Variants in UBE2U observed in about 807,000 individuals in gnomAD.
UBE2U encodes ubiquitin-conjugating enzyme E2 U.
UBE2U carries 39 observed loss-of-function variants against 41.2 expected under a neutral mutation model. That is an observed-to-expected ratio of 0.95 (90% CI 0.73 to 1.24). The LOEUF (loss-of-function observed/expected upper bound fraction) is 1.24, where lower values mean the gene tolerates loss of function less well. Ranked by LOEUF, UBE2U falls within the 50% of genes most tolerant of loss-of-function variation. The pLI, the probability that UBE2U is intolerant of heterozygous loss-of-function variation, is 0.00. For missense variants in UBE2U, 336 were observed against 363.1 expected (o/e 0.93, Z 0.61); for synonymous variants, 107 against 117.8 (o/e 0.91, Z 0.60).
At chr1:64,239,080 G>GAAGAAGAA (rs1491414275) in intron 7 of UBE2U, among the ~76,000 whole-genome samples, 1 of 54,828 alleles carries the variant, frequency 1.8e-5, no homozygotes, top group Non-Finnish European at 3.6e-5. Context: ...AAGAGGAAGA[G>GAAGAAGAA]GAAGAGGAAG....
intron 8 of UBE2U, among the ~76,000 whole-genome samples, chr1:64,247,435 A>G (rs957758454): frequency 2.0e-5 from 3 of 152,126 alleles, no homozygotes; most frequent in Admixed American, 2.0e-4. Flanking sequence ...CAGTGTTGGA[A>G]AATAGGAGGT....
chr1:64,244,247 A>T, intron 8 of UBE2U: 1 of 1,426,966 alleles, frequency 7.0e-7, no homozygotes, highest in Non-Finnish European at 9.3e-7. Context: ...AAATGGAGAT[A>T]ACCTTACCTA....
intron 1 of UBE2U, 84 bp downstream of exon 1, chr1:64,204,200 G>A: frequency 7.6e-7 from 1 of 1,323,040 alleles, no homozygotes; most frequent in Non-Finnish European, 1.1e-6. Flanking sequence ...TCTATAAGTA[G>A]TAATTTAGTT....
In UBE2U at chr1:64,240,450, A is replaced by G. The variant is rs115189788; in HGVS notation, c.596-1202A>G. Among the ~76,000 whole-genome samples the G allele has an allele frequency of 5.5e-3, 835 of 152,298 alleles. 4 individuals are homozygous for G. The highest frequency in any genetic ancestry group is 0.019 in the African/African-American group (804 of 41,556). ...AGAACTAAGACCAGTGGAAACTCAC[A>G]GCAGTCAGATTAAGGAAGGACATTG... On this transcript the variant is annotated intron_variant, in intron 7 of 9. Transcript: ENST00000371077.
intron 8 of UBE2U, among the ~76,000 whole-genome samples, chr1:64,243,352 T>TA (rs1432486129): frequency 6.6e-6 from 1 of 152,176 alleles, no homozygotes; most frequent in Non-Finnish European, 1.5e-5. Context: ...TAGTAAAATC[T>TA]AAAAAATCTA....
chr1:64,222,101 A>AAC (rs1257613774), intron 6 of UBE2U, among the ~76,000 whole-genome samples: 1 of 151,490 alleles, frequency 6.6e-6, no homozygotes, highest in Non-Finnish European at 1.5e-5. Context: ...CAAAAAAAAA[A>AAC]AAAAAAAACA....
intron 6 of UBE2U, among the ~76,000 whole-genome samples, chr1:64,221,659 T>C (rs1434764572): frequency 6.6e-6 from 1 of 152,228 alleles, no homozygotes; most frequent in Non-Finnish European, 1.5e-5. Flanking sequence ...CGGCATTTAA[T>C]TTCTTGAGCA....
intron 6 of UBE2U, among the ~76,000 whole-genome samples, chr1:64,229,047 G>C (rs999144383): frequency 6.6e-6 from 1 of 151,912 alleles, no homozygotes; most frequent in East Asian, 1.9e-4. Context: ...TTTTAGTAGA[G>C]ACAGGGTTTC....
At chr1:64,251,681 T>A (rs942687138) in intron 8 of UBE2U, among the ~76,000 whole-genome samples, 5 of 152,128 alleles carry the variant, frequency 3.3e-5, no homozygotes, top group African/African-American at 9.7e-5. Flanking sequence ...CAGGAAACCA[T>A]GCTTCTCCCA....
intron 7 of UBE2U, among the ~76,000 whole-genome samples, chr1:64,234,540 A>G (rs1309457803): frequency 2.0e-5 from 3 of 152,232 alleles, no homozygotes; most frequent in Non-Finnish European, 4.4e-5. Context: ...ACTAAGCTTA[A>G]TAAATATCCT....
At chr1:64,209,258 A>G (rs1170940109) in intron 3 of UBE2U, among the ~76,000 whole-genome samples, 2 of 152,178 alleles carry the variant, frequency 1.3e-5, no homozygotes, top group East Asian at 1.9e-4. Flanking sequence ...TCCCACTTCC[A>G]TAAAGTAGAG....
intron 8 of UBE2U, among the ~76,000 whole-genome samples, chr1:64,244,743 T>C (rs1045009372): frequency 6.6e-6 from 1 of 152,166 alleles, no homozygotes; most frequent in African/African-American, 2.4e-5. Flanking sequence ...CCCATGTCTT[T>C]CAGCATGTGT....
At chr1:64,253,083 G>A (rs1193216763) in intron 8 of UBE2U, among the ~76,000 whole-genome samples, 1 of 150,766 alleles carries the variant, frequency 6.6e-6, no homozygotes, top group Non-Finnish European at 1.5e-5. Flanking sequence ...ACCTGATGGA[G>A]CTGAAAAACA....
intron 5 of UBE2U, 97 bp downstream of exon 5, chr1:64,215,029 T>C (rs1651903974): frequency 2.3e-6 from 2 of 865,286 alleles, no homozygotes; most frequent in Admixed American, 3.9e-5. Context: ...GGTCCGGAGT[T>C]CGAGACCAGC....
At chr1:64,245,570 G>A (rs966630912) in intron 8 of UBE2U, among the ~76,000 whole-genome samples, 2 of 152,132 alleles carry the variant, frequency 1.3e-5, no homozygotes, top group Non-Finnish European at 2.9e-5. Context: ...AGAGGGAACC[G>A]GAACTAACAT....
intron 1 of UBE2U, among the ~76,000 whole-genome samples, chr1:64,204,808 T>C (rs1651189428): frequency 1.3e-5 from 2 of 152,214 alleles, no homozygotes; most frequent in African/African-American, 4.8e-5. Context: ...CCACAGTTGC[T>C]TCAGGTGTAG....
At chr1:64,208,613 A>C (rs1651460981) in intron 3 of UBE2U, among the ~76,000 whole-genome samples, 1 of 10,720 alleles carries the variant, frequency 9.3e-5, no homozygotes, top group African/African-American at 2.1e-4. Flanking sequence ...CAAAAAAAAA[A>C]AAAAAAAAAA....
intron 8 of UBE2U, among the ~76,000 whole-genome samples, chr1:64,243,439 A>G (rs1294918008): frequency 6.6e-6 from 1 of 152,220 alleles, no homozygotes; most frequent in Non-Finnish European, 1.5e-5. Context: ...GGGTATGATA[A>G]AGAGGACAAT....
intron 5 of UBE2U, among the ~76,000 whole-genome samples, chr1:64,216,143 T>C (rs947085811): frequency 1.3e-5 from 2 of 152,208 alleles, no homozygotes; most frequent in Non-Finnish European, 2.9e-5. Context: ...CACAGGGTTT[T>C]TGGGTCTGAT....
Sources: allele counts gnomAD v4.1 joint callset (sites outside exome capture counted in the v4.1 genomes callset), GRCh38; gene constraint gnomAD v4.1.1; transcripts MANE v1.5; gene names NCBI Gene and HGNC (gene_info 2026-07-23, HGNC 2026-07-21).